Variants in TAFA2 observed in about 807,000 individuals in gnomAD.
TAFA2 encodes the protein chemokine-like protein TAFA-2.
TAFA2 carries 7 observed loss-of-function variants against 18.8 expected under a neutral mutation model. That is an observed-to-expected ratio of 0.37 (90% CI 0.21 to 0.70). The LOEUF (loss-of-function observed/expected upper bound fraction) is 0.70, where lower values mean the gene tolerates loss of function less well. TAFA2 is among the 30% of genes least tolerant of loss of function. The probability of loss-of-function intolerance (pLI) is 0.53; values close to 1 mark genes in which losing one functional copy is unlikely to be tolerated. For missense variants in TAFA2, 122 were observed against 158.1 expected (o/e 0.77, Z 1.23); for synonymous variants, 60 against 54.2 (o/e 1.11, Z -0.47).
At chr12:61,880,801 T>C (rs1875095016) in intron 1 of TAFA2, 4 of 309,748 alleles carry the variant, frequency 1.3e-5, no homozygotes, top group South Asian at 3.3e-5. Context: ...CCCACCCTAC[T>C]CCCCCCTGCA....
chr12:62,249,202 C>T (rs2062900244), intron 1 of TAFA2, among the ~76,000 whole-genome samples: 2 of 151,366 alleles, frequency 1.3e-5, no homozygotes, highest in Admixed American at 6.6e-5. Flanking sequence ...CAATGTACAG[C>T]CAATTGATAG....
chr12:62,120,343 T>C (rs1870137969), intron 1 of TAFA2, among the ~76,000 whole-genome samples: 1 of 152,230 alleles, frequency 6.6e-6, no homozygotes, highest in South Asian at 2.1e-4. Context: ...TCTCATTAAA[T>C]AGGCATTTGT....
At chr12:61,711,520 C>A (rs909768760) in intron 4 of TAFA2, among the ~76,000 whole-genome samples, 1 of 152,032 alleles carries the variant, frequency 6.6e-6, no homozygotes, top group Non-Finnish European at 1.5e-5. Flanking sequence ...GACATTGTTA[C>A]TTGTCCTTTG....
At chr12:62,177,987 A>T (rs1363103227) in intron 1 of TAFA2, among the ~76,000 whole-genome samples, 1 of 152,150 alleles carries the variant, frequency 6.6e-6, no homozygotes, top group Non-Finnish European at 1.5e-5. Flanking sequence ...CTTTCTAAAT[A>T]TCAGAGGAGG....
At chr12:62,148,987 G>A (rs2062306644) in intron 1 of TAFA2, among the ~76,000 whole-genome samples, 1 of 152,068 alleles carries the variant, frequency 6.6e-6, no homozygotes, top group Non-Finnish European at 1.5e-5. Context: ...TATAATCTTA[G>A]GTTCACCTGG....
chr12:62,030,908 C>G (rs1296873062), intron 1 of TAFA2, among the ~76,000 whole-genome samples: 1 of 152,080 alleles, frequency 6.6e-6, no homozygotes, highest in East Asian at 1.9e-4. Flanking sequence ...GCTTCCTCTT[C>G]ACCCTTAATG....
intron 1 of TAFA2, among the ~76,000 whole-genome samples, chr12:62,112,103 T>C (rs138641294): frequency 0.051 from 7,749 of 152,226 alleles, 300 homozygotes; most frequent in Non-Finnish European, 0.079. Context: ...TACAATTTGG[T>C]GTGTTTTTGC....
At chr12:61,784,525 A>G (rs1870645006) in intron 2 of TAFA2, among the ~76,000 whole-genome samples, 1 of 151,482 alleles carries the variant, frequency 6.6e-6, no homozygotes, top group Non-Finnish European at 1.5e-5. Flanking sequence ...TTTGAGAAAG[A>G]AAGTTTGGGA....
At chr12:62,029,982 T>G (rs348691) in intron 1 of TAFA2, among the ~76,000 whole-genome samples, 121,669 of 152,032 alleles carry the variant, frequency 0.8, 49,004 homozygotes, top group Middle Eastern at 0.87. Context: ...TTTCAGAGCT[T>G]CATTTACCTC....
intron 1 of TAFA2, among the ~76,000 whole-genome samples, chr12:62,165,070 A>G (rs928944879): frequency 1.8e-4 from 27 of 152,096 alleles, no homozygotes; most frequent in Non-Finnish European, 3.5e-4. Flanking sequence ...CATTTTTTCA[A>G]TTATGCTGAA....
chr12:62,143,354 A>G (rs1412450872), intron 1 of TAFA2, among the ~76,000 whole-genome samples: 1 of 152,208 alleles, frequency 6.6e-6, no homozygotes, highest in Non-Finnish European at 1.5e-5. Flanking sequence ...GGAAAGAACC[A>G]GGTATCATTA....
In TAFA2 at chr12:62,037,632, G is replaced by A. The variant is rs188786301; in HGVS notation, c.-2+153627C>T. 5.5e-4 allele frequency among the ~76,000 whole-genome samples: 83 copies of A among 152,232 alleles called. 2 individuals carry two copies. In the East Asian group the frequency reaches 0.013, roughly 24 times the overall value. ...ACAGACTTATGGAATAAAACTCATC[G>A]GAGATAGGGGCAGACCATCTGTACT... On this transcript the variant is annotated intron_variant, in intron 1 of 4. Transcript: ENST00000416284.
intron 1 of TAFA2, among the ~76,000 whole-genome samples, chr12:61,949,985 T>A (rs1878410501): frequency 6.6e-6 from 1 of 152,158 alleles, no homozygotes; most frequent in Non-Finnish European, 1.5e-5. Context: ...ATTTAACAAC[T>A]TTGGATACTT....
intron 1 of TAFA2, among the ~76,000 whole-genome samples, chr12:61,961,708 C>T (rs1878892140): frequency 1.3e-5 from 2 of 151,970 alleles, no homozygotes; most frequent in South Asian, 4.1e-4. Flanking sequence ...TACTCCTTCT[C>T]TATGTAGTAA....
intron 1 of TAFA2, among the ~76,000 whole-genome samples, chr12:61,958,053 T>C (rs1878758074): frequency 1.3e-5 from 2 of 152,150 alleles, no homozygotes; most frequent in South Asian, 4.2e-4. Flanking sequence ...ACCTGGTGTG[T>C]TTCCTCTCAT....
intron 1 of TAFA2, among the ~76,000 whole-genome samples, chr12:61,923,339 G>A (rs748861503): frequency 1.3e-5 from 2 of 152,196 alleles, no homozygotes; most frequent in Non-Finnish European, 2.9e-5. Context: ...ATGCAGGAGA[G>A]CTCTGGCTGG....
At chr12:62,068,969 T>C (rs1167022886) in intron 1 of TAFA2, among the ~76,000 whole-genome samples, 1 of 152,170 alleles carries the variant, frequency 6.6e-6, no homozygotes, top group Non-Finnish European at 1.5e-5. Context: ...TCACAAATTT[T>C]CTCCATGTTC....
chr12:61,880,520 A>C (rs1467778271), intron 1 of TAFA2: 4 of 515,002 alleles, frequency 7.8e-6, no homozygotes, highest in Non-Finnish European at 1.6e-5. Flanking sequence ...GGGTGAAGAG[A>C]GCTGGCAAGA....
chr12:61,926,866 A>T (rs1052161806), intron 1 of TAFA2, among the ~76,000 whole-genome samples: 2 of 151,960 alleles, frequency 1.3e-5, no homozygotes, highest in East Asian at 3.9e-4. Context: ...AGGTCAAGAG[A>T]TCAAGACCAT....
Sources: gnomAD v4.1 joint callset for allele counts (sites outside exome capture counted in the v4.1 genomes callset) on GRCh38, gnomAD v4.1.1 for gene constraint, MANE v1.5 for transcripts, NCBI Gene and HGNC (gene_info 2026-07-23, HGNC 2026-07-21) for gene names.